Variants in ALDH1L1 observed in about 807,000 individuals in gnomAD.
ALDH1L1 encodes the protein cytosolic 10-formyltetrahydrofolate dehydrogenase.
In ALDH1L1, 68 loss-of-function variants were observed where a neutral mutation model predicts 101.1. That is an observed-to-expected ratio of 0.67 (90% CI 0.55 to 0.82). The LOEUF (loss-of-function observed/expected upper bound fraction) is 0.82. ALDH1L1 is among the 40% of genes least tolerant of loss of function. The pLI, the probability that ALDH1L1 is intolerant of heterozygous loss-of-function variation, is 0.00. For synonymous variants in ALDH1L1, 486 were observed against 470.8 expected (o/e 1.03, Z -0.42); for missense variants, 1,087 against 1,172.7 (o/e 0.93, Z 1.07).
chr3:126,115,487 CT>C (rs35580198), intron 17 of ALDH1L1: 54,858 of 141,850 alleles, frequency 0.39, 10,390 homozygotes, highest in Non-Finnish European at 0.45. Flanking sequence ...CTTTGCTCTT[CT>C]TTTTTTTTTT....
intron 17 of ALDH1L1, chr3:126,115,267 G>A (rs1407659855): frequency 2.8e-6 from 1 of 358,816 alleles, no homozygotes; most frequent in East Asian, 7.5e-5. Flanking sequence ...CAGTGGGCAA[G>A]AAATGCACTG....
chr3:126,197,191 G>A (rs893862942), intron 1 of ALDH1L1, among the ~76,000 whole-genome samples: 1 of 152,182 alleles, frequency 6.6e-6, no homozygotes, highest in Non-Finnish European at 1.5e-5. Flanking sequence ...TATTTGGAAT[G>A]TACCACTGTA....
At chr3:126,111,340 G>A (rs1348558903) in intron 19 of ALDH1L1, among the ~76,000 whole-genome samples, 14 of 152,232 alleles carry the variant, frequency 9.2e-5, no homozygotes, top group African/African-American at 2.2e-4. Flanking sequence ...CACTGTCCAC[G>A]TGAACATGTC....
Position 126,131,454 on chromosome 3 carries a change from G to T in ALDH1L1, c.1553C>A (p.Ala518Asp), listed in dbSNP as rs777094710. ...ALDAGAVYTL[A>D]LKTHVGMSIQ... ...GGACATGCCCACGTGGGTCTTCAGG[G>T]CCAGCGTGTAGACGGCACCCGCATC... is the stretch of plus-strand genomic sequence containing the variant. The change falls in exon 13 of 23, where the codon GCC becomes GAC. Residue 518 changes from alanine to aspartate, a missense_variant. This residue lies in a region of ALDH1L1 where 442 missense variants were observed against 535.7 expected (regional missense o/e 0.83). Transcript: ENST00000393434. The T allele has an allele frequency of 6.2e-7, 1 of 1,613,562 alleles. No individual in the cohort carries two copies.
At chr3:126,108,356 C>T (rs768215558) in intron 20 of ALDH1L1, among the ~76,000 whole-genome samples, 25 of 152,234 alleles carry the variant, frequency 1.6e-4, no homozygotes, top group South Asian at 1.2e-3. Flanking sequence ...TCTCATACCC[C>T]CTCCAGGGCG....
rs116941797 is a variant in ALDH1L1 at position 126,193,177 on chromosome 3, A to G, written c.-24+4558T>C. The stretch of plus-strand genomic sequence containing the variant: ...AATATAGAAGTATGGAGCCCTTCTC[A>G]GGCCATATTTAGTTTGCTTTAATAA... On this transcript the variant is annotated intron_variant, in intron 1 of 2. Transcript: ENST00000509952. Among the ~76,000 whole-genome samples the G allele has an allele frequency of 9.0e-3, 1,377 of 152,314 alleles. 72 individuals are homozygous for G. The highest frequency in any genetic ancestry group is 0.074 in the Admixed American group (1,136 of 15,300).
chr3:126,145,316 T>TA (rs917505110), intron 9 of ALDH1L1, among the ~76,000 whole-genome samples: 228 of 152,228 alleles, frequency 1.5e-3, no homozygotes, highest in African/African-American at 5.2e-3. Flanking sequence ...CTGAAAAAAT[T>TA]AAAAGAAGAA....
In ALDH1L1 at chr3:126,124,310, A is replaced by G. The variant is rs114937509; in HGVS notation, c.1888+54T>C. The G allele has an allele frequency of 1.7e-4, 256 of 1,493,492 alleles. 1 individual carries two copies. In the African/African-American group the frequency reaches 2.8e-3, roughly 17 times the overall value. 92.5% of individuals were successfully genotyped at this position (1,493,492 alleles called of 1,614,324 possible). A position where few individuals can be genotyped will look rare whatever the true frequency, so the allele number is the denominator to read the frequency against. ...TATCCAGTAGGGCCTGCTCTGCCCA[A>G]TGGCATCTCCAGCTGCCAGAAGCCC... On this transcript the variant is annotated intron_variant, in intron 16 of 22. Coordinates refer to ENST00000393434, the MANE Select transcript of ALDH1L1 (RefSeq NM_012190.4).
intron 14 of ALDH1L1, among the ~76,000 whole-genome samples, chr3:126,128,193 GTC>G (rs1463754718): frequency 6.6e-6 from 1 of 152,138 alleles, no homozygotes. Flanking sequence ...CAGTGACATG[GTC>G]TCTAGTAAAT....
intron 17 of ALDH1L1, among the ~76,000 whole-genome samples, chr3:126,116,220 G>T (rs113728150): frequency 6.6e-6 from 1 of 150,946 alleles, no homozygotes; most frequent in African/African-American, 2.4e-5. Context: ...TCAAATTGAG[G>T]TACTTTTTTT....
At chr3:126,150,727 TG>T in intron 7 of ALDH1L1, 196 bp from the exon 8 acceptor site, 1 of 516,772 alleles carries the variant, frequency 1.9e-6, no homozygotes. Flanking sequence ...GACTAATTTT[TG>T]TTTGTATTTT....
At chr3:126,144,831 CA>C (rs2080640729) in intron 9 of ALDH1L1, among the ~76,000 whole-genome samples, 1 of 152,080 alleles carries the variant, frequency 6.6e-6, no homozygotes, top group Admixed American at 6.5e-5. Context: ...GAAACAAAAG[CA>C]AAAATATACA....
At chr3:126,148,740 T>A (rs1483441977) in intron 8 of ALDH1L1, among the ~76,000 whole-genome samples, 1 of 152,210 alleles carries the variant, frequency 6.6e-6, no homozygotes, top group African/African-American at 2.4e-5. Flanking sequence ...AACACGCCGC[T>A]CTTCCAGGAG....
chr3:126,182,407 C>T (rs1184790232), upstream of ALDH1L1, among the ~76,000 whole-genome samples: 1 of 152,206 alleles, frequency 6.6e-6, no homozygotes, highest in African/African-American at 2.4e-5. Context: ...CCTACCTCAG[C>T]CTCCCAAAGT....
intron 1 of ALDH1L1, among the ~76,000 whole-genome samples, chr3:126,178,531 C>T (rs1314547549): frequency 6.6e-6 from 1 of 152,012 alleles, no homozygotes; most frequent in Non-Finnish European, 1.5e-5. Flanking sequence ...CTAAAAATGT[C>T]TACTAATTGA....
At chr3:126,190,033 A>C (rs2081543170) in intron 1 of ALDH1L1, among the ~76,000 whole-genome samples, 1 of 152,258 alleles carries the variant, frequency 6.6e-6, no homozygotes. Flanking sequence ...CCAGTAACAT[A>C]GATTCCTCTG....
chr3:126,180,021 A>G (rs2081442813), intron 1 of ALDH1L1: 1 of 152,238 alleles, frequency 6.6e-6, no homozygotes, highest in Non-Finnish European at 1.5e-5. Flanking sequence ...CAATCAGGGA[A>G]GACCTTTCCC....
chr3:126,107,229 T>G lies in ALDH1L1; in HGVS notation c.2365A>C (p.Thr789Pro). ...TGGTCTTCCACGTCTGTGAAAACAGTTGGCTCAAAGAAGAACCCTGCAAGA... is the reference window on the plus strand; with the variant it reads ...TGGTCTTCCACGTCTGTGAAAACAGGTGGCTCAAAGAAGAACCCTGCAAGA... ...VPRPGFFFEP[T>P]VFTDVEDHMF... Residue 789 changes from threonine to proline, a missense_variant, in exon 21 of 23, where the codon ACT (threonine) becomes CCT (proline). Physicochemically the swap from Thr to Pro is conservative, Grantham distance 38. This residue lies in a region of ALDH1L1 where 442 missense variants were observed against 535.7 expected (regional missense o/e 0.83). Coordinates refer to ENST00000393434, the MANE Select transcript of ALDH1L1 (RefSeq NM_012190.4). 6.2e-7 allele frequency: 1 copy of G among 1,614,038 alleles called. No individual in the cohort carries two copies. The highest frequency in any genetic ancestry group is 1.7e-5 in the Admixed American group (1 of 60,024).
chr3:126,127,300 G>A (rs1028656114), intron 14 of ALDH1L1, among the ~76,000 whole-genome samples: 2 of 152,176 alleles, frequency 1.3e-5, no homozygotes, highest in East Asian at 1.9e-4. Flanking sequence ...TGTGAAAACC[G>A]ACTTTCATTA....
Sources: allele counts gnomAD v4.1 joint callset (sites outside exome capture counted in the v4.1 genomes callset), GRCh38; gene constraint gnomAD v4.1.1; regional missense constraint gnomAD v4.1.1; transcripts MANE v1.5; gene names NCBI Gene and HGNC (gene_info 2026-07-23, HGNC 2026-07-21).